Variants in ESR1 observed in about 807,000 individuals in gnomAD.
ESR1 encodes estrogen receptor 1, also known as estrogen receptor.
A neutral mutation model predicts 52.7 loss-of-function variants in ESR1; 12 were observed. The observed-to-expected ratio is 0.23, with a 90% CI of 0.15 to 0.37. The LOEUF is 0.37. ESR1 is among the 10% of genes least tolerant of loss of function. ESR1 has a pLI of 1.00. For synonymous variants in ESR1, 305 were observed against 316.8 expected, an observed-to-expected ratio of 0.96 and a Z score of 0.39; for missense variants, 584 against 779.7, an observed-to-expected ratio of 0.75 and a Z score of 2.99.
At chr6:151,796,834 AT>A (rs1357350992) in intron 2 of ESR1, among the ~76,000 whole-genome samples, 7 of 152,226 alleles carry the variant, frequency 4.6e-5, no homozygotes, top group Non-Finnish European at 7.3e-5. Flanking sequence ...ACTGGTGATC[AT>A]GTTCACATAG....
At chr6:151,705,596 C>T (rs1582954212) in intron 2 of ESR1, among the ~76,000 whole-genome samples, 2 of 152,284 alleles carry the variant, frequency 1.3e-5, no homozygotes, top group East Asian at 3.9e-4. Flanking sequence ...AATAAGCTGC[C>T]ATTATGTCTC....
chr6:151,827,060 A>G (rs1265799685), intron 1 of ESR1, among the ~76,000 whole-genome samples: 1 of 152,088 alleles, frequency 6.6e-6, no homozygotes, highest in Non-Finnish European at 1.5e-5. Context: ...ATGGTGACTC[A>G]CACCTGTAAT....
chr6:152,051,825 A>T (rs1444712166), intron 5 of ESR1, among the ~76,000 whole-genome samples: 1 of 152,016 alleles, frequency 6.6e-6, no homozygotes, highest in African/African-American at 2.4e-5. Context: ...TCTTTTTTTT[A>T]AATTTTATGT....
At chr6:151,702,157 A>G (rs1164144407) in intron 2 of ESR1, among the ~76,000 whole-genome samples, 1 of 152,178 alleles carries the variant, frequency 6.6e-6, no homozygotes, top group African/African-American at 2.4e-5. Context: ...CAGTACACCT[A>G]CTATCTGATG....
intron 6 of ESR1, among the ~76,000 whole-genome samples, chr6:152,080,600 G>A (rs928872887): frequency 2.0e-5 from 3 of 152,212 alleles, no homozygotes; most frequent in East Asian, 1.9e-4. Flanking sequence ...ATCAATTAAC[G>A]GGCAAAATAA....
Position 151,842,802 on chromosome 6 carries a change from A to G in ESR1, c.643+15A>G, listed in dbSNP as rs763847841. ...AAGTATTCAAGGTAATAGTGTGTTG[A>G]AAACGACTTCTATTTTTGATCCTAT... On this transcript the variant is annotated intron_variant, in intron 2 of 7. Transcript: ENST00000206249. 3 of 1,612,232 alleles carry G rather than the reference A, an allele frequency of 1.9e-6. No individual in the cohort carries two copies. The highest frequency in any genetic ancestry group is 4.5e-5 in the East Asian group (2 of 44,814).
intron 1 of ESR1, among the ~76,000 whole-genome samples, chr6:151,673,306 T>C (rs1015598353): frequency 3.9e-5 from 6 of 152,346 alleles, no homozygotes; most frequent in Admixed American, 1.3e-4. Flanking sequence ...CTTGGACTTC[T>C]AAATAGTTTT....
Position 152,124,721 on chromosome 6 carries a change from ATAG to A in ESR1, c.851-541_851-539del, listed in dbSNP as rs1446609677. On this transcript the variant is annotated intron_variant, in intron 6 of 6. Coordinates refer to the ESR1 transcript ENST00000427531. The stretch of plus-strand genomic sequence containing the variant: ...AAAAAAAAGTATATTTTGTGAAAAT[ATAG>A]TAGAACATAAAAGAAGTATGTCATA... Among the ~76,000 whole-genome samples the A allele has an allele frequency of 2.6e-5, 4 of 152,238 alleles. No individual in the cohort carries two copies. In the East Asian group the frequency reaches 7.7e-4, roughly 29 times the overall value.
chr6:152,014,115 T>C (rs549494387), intron 5 of ESR1, among the ~76,000 whole-genome samples: 1 of 152,288 alleles, frequency 6.6e-6, no homozygotes, highest in East Asian at 1.9e-4. Flanking sequence ...CCATGAAAGA[T>C]GTGACTTTGC....
chr6:151,917,052 T>C (rs989721623), intron 3 of ESR1, among the ~76,000 whole-genome samples: 2 of 152,160 alleles, frequency 1.3e-5, no homozygotes, highest in South Asian at 2.1e-4. Context: ...GAGAATGTAA[T>C]TGGATGTTGG....
At chr6:151,875,728 A>G (rs1242771498) in intron 2 of ESR1, among the ~76,000 whole-genome samples, 1 of 152,170 alleles carries the variant, frequency 6.6e-6, no homozygotes, top group Non-Finnish European at 1.5e-5. Context: ...GTTTCCATGA[A>G]GAAGAAGAGC....
At chr6:151,922,113 A>G (rs1273323441) in intron 3 of ESR1, among the ~76,000 whole-genome samples, 1 of 152,172 alleles carries the variant, frequency 6.6e-6, no homozygotes. Flanking sequence ...ACAAATACAG[A>G]CACATAGACC....
At chr6:151,822,288 C>T (rs546253293) in intron 1 of ESR1, among the ~76,000 whole-genome samples, 63 of 152,294 alleles carry the variant, frequency 4.1e-4, no homozygotes, top group African/African-American at 1.4e-3. Context: ...TTAGTATGGA[C>T]TTCTTGAGAT....
downstream of ESR1, among the ~76,000 whole-genome samples, chr6:152,105,961 G>A (rs2051061788): frequency 6.9e-6 from 1 of 144,820 alleles, no homozygotes; most frequent in African/African-American, 2.5e-5. Flanking sequence ...CTAATTTTTT[G>A]TATTTTTTTT....
intron 2 of ESR1, among the ~76,000 whole-genome samples, chr6:151,727,001 A>C (rs192210197): frequency 1.8e-3 from 268 of 152,278 alleles, no homozygotes; most frequent in African/African-American, 6.2e-3. Context: ...TTTCTGTAGA[A>C]CCATTTATCA....
chr6:152,031,834 C>CA (rs965216339), intron 5 of ESR1, among the ~76,000 whole-genome samples: 2 of 151,948 alleles, frequency 1.3e-5, no homozygotes, highest in African/African-American at 4.8e-5. Context: ...AGAGACACAA[C>CA]AAAAAAAGAG....
At chr6:151,718,633 G>GGT (rs1313515248) in intron 2 of ESR1, among the ~76,000 whole-genome samples, 5 of 152,186 alleles carry the variant, frequency 3.3e-5, no homozygotes, top group African/African-American at 7.2e-5. Flanking sequence ...AATAGGTTAT[G>GGT]GTGCCCCAGC....
At chr6:152,046,572 GA>G (rs1471659208) in intron 5 of ESR1, among the ~76,000 whole-genome samples, 24 of 152,186 alleles carry the variant, frequency 1.6e-4, no homozygotes, top group Non-Finnish European at 3.1e-4. Flanking sequence ...TTACAAAGTA[GA>G]AACTATATGG....
intron 5 of ESR1, among the ~76,000 whole-genome samples, chr6:152,012,336 G>C (rs958552625): frequency 6.6e-6 from 1 of 150,396 alleles, no homozygotes; most frequent in Non-Finnish European, 1.5e-5. Context: ...GCCTTGGAAT[G>C]TGGGTCCCAT....
Sources: gnomAD v4.1 joint callset for allele counts (sites outside exome capture counted in the v4.1 genomes callset) on GRCh38, gnomAD v4.1.1 for gene constraint, MANE v1.5 for transcripts, NCBI Gene and HGNC (gene_info 2026-07-23, HGNC 2026-07-21) for gene names.